The following MIA2 variants were observed in gnomAD, a reference collection of about 807,000 sequenced individuals.
MIA2 encodes melanoma inhibitory activity protein 2.
MIA2 carries 127 observed loss-of-function variants against 167.8 expected under a neutral mutation model. The observed-to-expected ratio is 0.76, with a 90% CI of 0.66 to 0.88. The LOEUF is 0.88. Among genes scored for constraint, MIA2 ranks in the 40% least tolerant of loss-of-function variants. The probability of loss-of-function intolerance (pLI) is 0.00; values close to 1 mark genes in which losing one functional copy is unlikely to be tolerated. For synonymous variants in MIA2, 552 were observed against 541.9 expected (o/e 1.02, Z -0.26); for missense variants, 1,690 against 1,624.7 (o/e 1.04, Z -0.69).
Position 39,345,942 on chromosome 14 carries a change from C to A in MIA2, c.3694C>A (p.Gln1232Lys), listed in dbSNP as rs2073145465. 1 of 1,612,100 alleles carries A rather than the reference C, an allele frequency of 6.2e-7. No individual in the cohort carries two copies. Among genetic ancestry groups the A allele is most frequent in the Non-Finnish European group, 8.5e-7 (1 of 1,179,042 alleles). The change falls in exon 26 of 29, where the codon CAA (glutamine) becomes AAA (lysine). Residue 1232 changes from glutamine to lysine, a missense_variant. Transcript: ENST00000640607. ...TGATTCAGCCCTTCCTCCACAAAGG[C>A]AAGACAGATTTTGTTCTAATTCTGG... ...YPDSALPPQR[Q>K]DRFCSNSGRL...
chr14:39,366,971 G>C (rs968090162), intron 23 of MIA2, among the ~76,000 whole-genome samples: 3 of 152,210 alleles, frequency 2.0e-5, no homozygotes, highest in Non-Finnish European at 2.9e-5. Flanking sequence ...GAGGGGCAGA[G>C]AGTTGCTGCC....
Position 39,247,212 on chromosome 14 carries a change from A to G in MIA2, c.638A>G (p.His213Arg). 1 of 1,614,172 alleles carries G rather than the reference A, an allele frequency of 6.2e-7. No individual in the cohort carries two copies. ...SMEQDRIPEVHVPPSSAVSGV... is the reference protein window; with the variant it reads ...SMEQDRIPEVRVPPSSAVSGV... ...GAACAGGATCGTATTCCAGAAGTGC[A>G]TGTCCCACCATCTTCAGCTGTGTCT... Residue 213 changes from histidine (H) to arginine (R), a missense_variant, in exon 4 of 29, where the codon CAT becomes CGT. His to Arg is a conservative substitution (Grantham distance 29). Coordinates refer to ENST00000640607, the MANE Select transcript of MIA2 (RefSeq NM_001329214.4).
rs558413277 is a variant in MIA2 at position 39,342,341 on chromosome 14, T to G, written c.3656-3563T>G. On this transcript the variant is annotated intron_variant, in intron 25 of 28. Transcript: ENST00000640607. ...CCATGTCCCTACAAAGGACATGAAC[T>G]CATCATTTTTTATGGCTGCATAGTA... Among the ~76,000 whole-genome samples, 3 of 152,256 alleles carry G rather than the reference T, an allele frequency of 2.0e-5. No individual in the cohort carries two copies. The South Asian group carries it at 6.2e-4, about 32-fold the overall frequency.
At chr14:39,352,434 C>T (rs540502198), downstream of MIA2, among the ~76,000 whole-genome samples, 3 of 152,138 alleles carry the variant, frequency 2.0e-5, no homozygotes, top group African/African-American at 7.2e-5. Flanking sequence ...AGGATATATG[C>T]AATATAAAAT....
chr14:39,267,379 A>C, intron 6 of MIA2: 2 of 1,600,240 alleles, frequency 1.2e-6, no homozygotes, highest in Non-Finnish European at 1.7e-6. Context: ...TTCCGGACCG[A>C]AGGCTGTGTG....
At chr14:39,291,299 CT>C (rs1486700305) in intron 10 of MIA2, among the ~76,000 whole-genome samples, 1 of 152,010 alleles carries the variant, frequency 6.6e-6, no homozygotes, top group Non-Finnish European at 1.5e-5. Context: ...AAAATTTGAG[CT>C]TTTATTGCTA....
At chr14:39,297,104 AT>A (rs1240475064) in intron 13 of MIA2, among the ~76,000 whole-genome samples, 2 of 144,676 alleles carry the variant, frequency 1.4e-5, no homozygotes, top group Non-Finnish European at 1.5e-5. Context: ...TAGGATATAT[AT>A]TTTTTTTGTG....
chr14:39,309,044 C>G lies in MIA2; in HGVS notation c.3017+457C>G, dbSNP rs142269122. ...GCACCTCAAGCTGTTTTTGACTTCT[C>G]TCTTGCTTTTATATCTCCTATTTAT... On this transcript the variant is annotated intron_variant, in intron 18 of 28. Transcript: ENST00000640607. Among the ~76,000 whole-genome samples, 101 of 152,284 alleles carry G rather than the reference C, an allele frequency of 6.6e-4. 1 individual carries two copies. The highest frequency in any genetic ancestry group is 2.2e-3 in the African/African-American group (90 of 41,564).
chr14:39,320,544 A>C (rs759875058), intron 23 of MIA2, among the ~76,000 whole-genome samples: 2 of 152,140 alleles, frequency 1.3e-5, no homozygotes, highest in Non-Finnish European at 1.5e-5. Flanking sequence ...CTATGTTGCA[A>C]CTCTCACCAG....
chr14:39,302,358 TTC>T (rs2062660534), intron 15 of MIA2, 109 bp downstream of exon 15: 1 of 1,285,704 alleles, frequency 7.8e-7, no homozygotes, highest in Non-Finnish European at 1.1e-6. Context: ...CTTTGGCACA[TTC>T]TGTCTGTCTG....
intron 12 of MIA2, 101 bp downstream of exon 12, chr14:39,294,172 A>G (rs2061100019): frequency 1.3e-6 from 1 of 761,330 alleles, no homozygotes; most frequent in East Asian, 3.0e-5. Flanking sequence ...TTTGAGATAT[A>G]GGGGATCCCA....
chr14:39,234,240 T>C lies in MIA2; in HGVS notation c.115+11T>C, dbSNP rs781592451. The C allele has an allele frequency of 6.5e-7, 1 of 1,532,788 alleles. No individual in the cohort carries two copies. Among genetic ancestry groups the C allele is most frequent in the Non-Finnish European group, 9.0e-7 (1 of 1,112,698 alleles). 94.9% of individuals were successfully genotyped at this position (1,532,788 alleles called of 1,614,324 possible). On this transcript the variant is annotated intron_variant, in intron 1 of 28. Transcript: ENST00000640607. ...ACTTGGAATGTGAAGGTAAGTTTGC[T>C]TCCCCCGCTTCTTCTCCTCCTAAAT...
At chr14:39,325,596 T>C (rs1361650221) in intron 24 of MIA2, among the ~76,000 whole-genome samples, 25 of 151,744 alleles carry the variant, frequency 1.6e-4, no homozygotes, top group Admixed American at 5.9e-4. Flanking sequence ...CTCGATCTCC[T>C]GACCTTGTGA....
chr14:39,308,039 GGTTA>G (rs1422032346), intron 17 of MIA2, among the ~76,000 whole-genome samples: 8 of 152,086 alleles, frequency 5.3e-5, no homozygotes, highest in Non-Finnish European at 1.0e-4. Flanking sequence ...ACTGTAGAGT[GGTTA>G]GTTAAGTTGC....
chr14:39,265,355 AT>A, intron 6 of MIA2: 1 of 1,539,606 alleles, frequency 6.5e-7, no homozygotes, highest in Non-Finnish European at 9.0e-7. Flanking sequence ...GTAGAACTTT[AT>A]TTACATGTTA....
intron 6 of MIA2, among the ~76,000 whole-genome samples, chr14:39,258,525 G>A (rs138012588): frequency 2.6e-5 from 4 of 152,162 alleles, no homozygotes; most frequent in African/African-American, 7.2e-5. Flanking sequence ...CACTGGGTTA[G>A]AACATGCTCC....
intron 9 of MIA2, among the ~76,000 whole-genome samples, chr14:39,289,372 G>A (rs754272474): frequency 3.3e-5 from 5 of 151,806 alleles, no homozygotes; most frequent in South Asian, 2.1e-4. Flanking sequence ...ACGTCACCAC[G>A]CTCGGCTAAT....
chr14:39,285,605 C>T (rs1453369695), intron 9 of MIA2, among the ~76,000 whole-genome samples: 2 of 135,130 alleles, frequency 1.5e-5, no homozygotes, highest in East Asian at 2.4e-4. Context: ...GGCGGCTGGC[C>T]GGGCGGGGGC....
At chr14:39,293,474 G>T in intron 11 of MIA2, 93 bp downstream of exon 11, 1 of 876,426 alleles carries the variant, frequency 1.1e-6, no homozygotes, top group Non-Finnish European at 1.7e-6. Flanking sequence ...TTACATTATT[G>T]TAAAAAATGT....
Sources: allele counts gnomAD v4.1 joint callset (sites outside exome capture counted in the v4.1 genomes callset), GRCh38; gene constraint gnomAD v4.1.1; transcripts MANE v1.5; gene names NCBI Gene and HGNC (gene_info 2026-07-23, HGNC 2026-07-21).